KLHL32: variants seen among roughly 807,000 people sequenced by gnomAD.
The protein encoded by KLHL32 is kelch like family member 32.
In KLHL32, 35 loss-of-function variants were observed where a neutral mutation model predicts 64.8. The ratio of observed to expected loss-of-function variants is 0.54; its 90% CI spans 0.41 to 0.72. The LOEUF (loss-of-function observed/expected upper bound fraction) is 0.72. Among genes scored for constraint, KLHL32 ranks in the 30% least tolerant of loss-of-function variants. The pLI is 0.00. For missense variants in KLHL32, 589 were observed against 768.5 expected, an observed-to-expected ratio of 0.77 and a Z score of 2.76; for synonymous variants, 259 against 281.0, an observed-to-expected ratio of 0.92 and a Z score of 0.78.
chr6:97,139,746 A>C lies in KLHL32; in HGVS notation c.*464A>C, dbSNP rs1800483368. On this transcript the variant is annotated 3_prime_UTR_variant, in exon 11 of 11. Coordinates refer to ENST00000369261, the MANE Select transcript of KLHL32 (RefSeq NM_052904.4). ...CATTATGCAGCCCTGCTCAGTAGAGACTCACTCAGCATTATGACATCATAA... is the reference window on the plus strand; with the variant it reads ...CATTATGCAGCCCTGCTCAGTAGAGCCTCACTCAGCATTATGACATCATAA... 1 of 152,354 alleles carries C rather than the reference A, an allele frequency of 6.6e-6. No individual in the cohort carries two copies. Among genetic ancestry groups the C allele is most frequent in the Non-Finnish European group, 1.5e-5 (1 of 68,238 alleles). 9.4% of individuals were successfully genotyped at this position (152,354 alleles called of 1,614,324 possible).
intron 3 of KLHL32, among the ~76,000 whole-genome samples, chr6:97,030,771 T>G (rs1262790170): frequency 1.3e-5 from 2 of 152,252 alleles, no homozygotes; most frequent in Non-Finnish European, 2.9e-5. Context: ...TCTCTTTAGT[T>G]ACGATTTTAC....
At chr6:97,116,437 T>C (rs1797815806) in intron 7 of KLHL32, among the ~76,000 whole-genome samples, 1 of 152,190 alleles carries the variant, frequency 6.6e-6, no homozygotes, top group South Asian at 2.1e-4. Context: ...CAACGATGGG[T>C]TTATGAAATC....
At chr6:96,943,968 G>T (rs983752229) in intron 1 of KLHL32, among the ~76,000 whole-genome samples, 5 of 152,110 alleles carry the variant, frequency 3.3e-5, no homozygotes, top group Non-Finnish European at 7.4e-5. Flanking sequence ...AAAACTCTCA[G>T]GACATTAATT....
chr6:97,001,580 A>T (rs1779039493), intron 3 of KLHL32, among the ~76,000 whole-genome samples: 2 of 152,020 alleles, frequency 1.3e-5, no homozygotes. Flanking sequence ...TGATCCTCAC[A>T]CCTCAGCCTC....
At chr6:96,931,530 A>G (rs1769889483) in intron 1 of KLHL32, among the ~76,000 whole-genome samples, 1 of 152,214 alleles carries the variant, frequency 6.6e-6, no homozygotes, top group African/African-American at 2.4e-5. Context: ...TTCTTGTGCT[A>G]AATGTGTTCT....
At chr6:97,035,101 C>T (rs1165497445) in intron 3 of KLHL32, among the ~76,000 whole-genome samples, 1 of 151,832 alleles carries the variant, frequency 6.6e-6, no homozygotes, top group East Asian at 1.9e-4. Context: ...GTAGTATTTG[C>T]CTTGATTCTT....
At chr6:96,951,999 G>GT (rs1186033559) in intron 1 of KLHL32, among the ~76,000 whole-genome samples, 1 of 152,248 alleles carries the variant, frequency 6.6e-6, no homozygotes, top group East Asian at 1.9e-4. Context: ...GTCTGCATGG[G>GT]TTTTTTCCAG....
At chr6:97,082,341 C>T (rs117398729) in intron 5 of KLHL32, among the ~76,000 whole-genome samples, 5,768 of 152,092 alleles carry the variant, frequency 0.038, 154 homozygotes, top group Non-Finnish European at 0.057. Context: ...AGGCTGGGAG[C>T]GGTGGCTCAC....
intron 4 of KLHL32, among the ~76,000 whole-genome samples, chr6:97,054,343 T>C (rs1186252088): frequency 6.6e-6 from 1 of 152,228 alleles, no homozygotes; most frequent in African/African-American, 2.4e-5. Flanking sequence ...CAAATTTAGA[T>C]TCATTAATTC....
At chr6:96,919,402 A>G in the KLHL32 span, among the ~76,000 whole-genome samples, 1 of 152,224 alleles carries the variant, frequency 6.6e-6, no homozygotes, top group African/African-American at 2.4e-5. Flanking sequence ...ATTAGAACTG[A>G]AAGGTAGATT....
chr6:97,082,778 G>GTT (rs1400513399), intron 5 of KLHL32, among the ~76,000 whole-genome samples: 1 of 152,132 alleles, frequency 6.6e-6, no homozygotes, highest in Non-Finnish European at 1.5e-5. Flanking sequence ...TCATATAGAT[G>GTT]TGGAAGGCAT....
intron 3 of KLHL32, chr6:96,994,528 ATTG>A (rs1397863446): frequency 4.1e-6 from 4 of 985,190 alleles, no homozygotes; most frequent in Non-Finnish European, 3.6e-6. Flanking sequence ...AGCTCAAGTA[ATTG>A]TTGTTCTGAT....
At chr6:96,965,292 A>C (rs1041144572) in intron 1 of KLHL32, among the ~76,000 whole-genome samples, 1 of 152,224 alleles carries the variant, frequency 6.6e-6, no homozygotes, top group Admixed American at 6.5e-5. Context: ...AATGGTGTCC[A>C]TTCCCCTAAG....
chr6:97,072,070 G>A (rs1255414724), intron 5 of KLHL32, among the ~76,000 whole-genome samples: 6 of 151,966 alleles, frequency 3.9e-5, no homozygotes, highest in Non-Finnish European at 5.9e-5. Context: ...TCTACACTTC[G>A]GCTTGGGTAT....
intron 3 of KLHL32, among the ~76,000 whole-genome samples, chr6:96,981,752 C>A (rs1189671524): frequency 6.6e-6 from 1 of 152,014 alleles, no homozygotes; most frequent in Admixed American, 6.6e-5. Flanking sequence ...TGTGTTGTAT[C>A]TTTGTTCTCA....
chr6:97,123,847 C>CT (rs768253613), intron 7 of KLHL32, among the ~76,000 whole-genome samples: 1 of 152,158 alleles, frequency 6.6e-6, no homozygotes, highest in African/African-American at 2.4e-5. Context: ...AGCTTGATGA[C>CT]TTTCAAAGCC....
rs11968867 is a variant in KLHL32 at position 97,024,735 on chromosome 6, A to G, written c.205-16757A>G. On this transcript the variant is annotated intron_variant, in intron 3 of 10. Transcript: ENST00000369261. ...AGTCTGGTCTACATTTTATTCTTTT[A>G]TTTAAACTGATTCACATCTAGTAAA... is the stretch of plus-strand genomic sequence containing the variant. 9.4e-3 allele frequency among the ~76,000 whole-genome samples: 1,427 copies of G among 152,240 alleles called. 18 individuals are homozygous for G. Among genetic ancestry groups the G allele is most frequent in the African/African-American group, 0.031 (1,306 of 41,558 alleles).
intron 5 of KLHL32, among the ~76,000 whole-genome samples, chr6:97,078,372 T>A (rs953205679): frequency 2.0e-5 from 3 of 152,214 alleles, no homozygotes; most frequent in Admixed American, 2.0e-4. Flanking sequence ...TGGGGTAATT[T>A]AGGTGACATT....
chr6:97,068,287 G>T (rs1245460159), intron 5 of KLHL32, among the ~76,000 whole-genome samples: 1 of 151,926 alleles, frequency 6.6e-6, no homozygotes, highest in African/African-American at 2.4e-5. Context: ...TTAATAATAT[G>T]CAATTTAAAT....
Sources: allele counts gnomAD v4.1 joint callset (sites outside exome capture counted in the v4.1 genomes callset), GRCh38; gene constraint gnomAD v4.1.1; transcripts MANE v1.5; gene names NCBI Gene and HGNC (gene_info 2026-07-23, HGNC 2026-07-21).